Variants in HUNK observed in about 807,000 individuals in gnomAD.
The protein encoded by HUNK is hormonally up-regulated neu tumor-associated kinase.
A neutral mutation model predicts 61.0 loss-of-function variants in HUNK; 21 were observed. The ratio of observed to expected loss-of-function variants is 0.34; its 90% CI spans 0.24 to 0.50. The LOEUF (loss-of-function observed/expected upper bound fraction) is 0.50, where lower values mean the gene tolerates loss of function less well. Ranked by LOEUF, HUNK falls within the 20% of genes least tolerant of loss-of-function variation. The pLI is 0.98. For missense variants in HUNK, 772 were observed against 945.7 expected, an observed-to-expected ratio of 0.82 and a Z score of 2.41; for synonymous variants, 371 against 386.1, an observed-to-expected ratio of 0.96 and a Z score of 0.46.
chr21:31,961,231 G>T (rs1568935376), intron 5 of HUNK, among the ~76,000 whole-genome samples: 3 of 148,952 alleles, frequency 2.0e-5, no homozygotes, highest in South Asian at 2.1e-4. Context: ...AATCTGAGCT[G>T]TTTTTTTTTT....
At chr21:31,922,161 C>T (rs1230555527) in intron 1 of HUNK, among the ~76,000 whole-genome samples, 12 of 151,628 alleles carry the variant, frequency 7.9e-5, no homozygotes, top group Non-Finnish European at 1.3e-4. Flanking sequence ...GGATTCCAGG[C>T]GTCCACCACC....
chr21:31,889,423 T>C (rs1005707484), intron 1 of HUNK, among the ~76,000 whole-genome samples: 2 of 152,254 alleles, frequency 1.3e-5, no homozygotes, highest in South Asian at 2.1e-4. Flanking sequence ...TTATCACTTA[T>C]ATAATCTGGT....
intron 1 of HUNK, among the ~76,000 whole-genome samples, chr21:31,892,162 A>AT (rs1555875740): frequency 0.017 from 1,953 of 113,732 alleles, 33 homozygotes; most frequent in South Asian, 0.054. Context: ...AAAAAAAAAA[A>AT]ATATATATAT....
At chr21:31,874,962 C>T (rs1394654757) in intron 1 of HUNK, among the ~76,000 whole-genome samples, 3 of 152,128 alleles carry the variant, frequency 2.0e-5, no homozygotes, top group Non-Finnish European at 2.9e-5. Context: ...CTGGAGCTGC[C>T]CGAGCTCAGA....
intron 2 of HUNK, among the ~76,000 whole-genome samples, chr21:31,933,523 GC>G (rs1205740306): frequency 6.6e-6 from 1 of 151,984 alleles, no homozygotes; most frequent in African/African-American, 2.4e-5. Flanking sequence ...AGTGGCTCAC[GC>G]CTGTAATCCT....
chr21:31,960,675 A>G lies in HUNK; in HGVS notation c.874+1705A>G, dbSNP rs565500597. ...TGGTGGCAGGGAAGAGCGCTTGTGCAGGGGAAATCCTATTTATAAAACCAT... is the reference window on the plus strand; with the variant it reads ...TGGTGGCAGGGAAGAGCGCTTGTGCGGGGGAAATCCTATTTATAAAACCAT... On this transcript the variant is annotated intron_variant, in intron 5 of 10. Coordinates refer to ENST00000270112, the MANE Select transcript of HUNK (RefSeq NM_014586.2). 4.4e-3 allele frequency among the ~76,000 whole-genome samples: 667 copies of G among 152,288 alleles called. 4 individuals carry two copies. The highest frequency in any genetic ancestry group is 6.6e-3 in the Non-Finnish European group (449 of 68,014).
At chr21:31,886,100 C>T (rs1296273305) in intron 1 of HUNK, among the ~76,000 whole-genome samples, 2 of 152,110 alleles carry the variant, frequency 1.3e-5, no homozygotes, top group African/African-American at 4.8e-5. Flanking sequence ...AATGACCTCA[C>T]TTTAACTTGA....
At chr21:31,889,917 T>G (rs1473331465) in intron 1 of HUNK, among the ~76,000 whole-genome samples, 4 of 152,192 alleles carry the variant, frequency 2.6e-5, no homozygotes, top group Non-Finnish European at 5.9e-5. Flanking sequence ...GACATATTAC[T>G]CAACAGTGCA....
chr21:31,939,408 T>G (rs2052753789), intron 2 of HUNK, among the ~76,000 whole-genome samples: 1 of 139,262 alleles, frequency 7.2e-6, no homozygotes, highest in African/African-American at 2.7e-5. Context: ...TGTTTTTTTT[T>G]TTTTTTTTTT....
At chr21:31,939,397 G>GTTT (rs1233632579) in intron 2 of HUNK, among the ~76,000 whole-genome samples, 1 of 104,232 alleles carries the variant, frequency 9.6e-6, no homozygotes. Context: ...TGGCTTTCAT[G>GTTT]TGTTTTTTTT....
At position 31,958,857 on chromosome 21, in the gene HUNK, A is replaced by T; in HGVS notation, c.761A>T (p.Tyr254Phe). The change falls in exon 5 of 11, where the codon TAT (tyrosine) becomes TTT (phenylalanine). Residue 254 changes from tyrosine to phenylalanine, a missense_variant. Around this residue, in one of 2 missense-constraint regions of HUNK, gnomAD observed 359 missense variants for 501.3 expected, o/e 0.72. Coordinates refer to ENST00000270112, the MANE Select transcript of HUNK (RefSeq NM_014586.2). ...TCTCTTTTCAGAGGTGTGAACATGT[A>T]TGCCATGTTGACCGGGACGCTGCCT... Reference protein sequence around the residue: ...IDVWSIGVNMYAMLTGTLPFT... With the variant: ...IDVWSIGVNMFAMLTGTLPFT... 6.2e-7 allele frequency: 1 copy of T among 1,604,864 alleles called. No individual in the cohort carries two copies. The highest frequency in any genetic ancestry group is 8.5e-7 in the Non-Finnish European group (1 of 1,175,922).
At chr21:31,941,816 A>G (rs1168901467) in intron 3 of HUNK, among the ~76,000 whole-genome samples, 1 of 152,172 alleles carries the variant, frequency 6.6e-6, no homozygotes, top group Admixed American at 6.5e-5. Flanking sequence ...GGTTCCCTGT[A>G]ACTGTTCTTT....
intron 2 of HUNK, among the ~76,000 whole-genome samples, chr21:31,933,334 C>T (rs2052711205): frequency 6.6e-6 from 1 of 152,132 alleles, no homozygotes; most frequent in Admixed American, 6.5e-5. Context: ...TTCTCTTCTC[C>T]TTCACATTTG....
At chr21:31,927,145 A>C (rs2052666577) in intron 2 of HUNK, among the ~76,000 whole-genome samples, 2 of 151,894 alleles carry the variant, frequency 1.3e-5, no homozygotes, top group South Asian at 4.2e-4. Flanking sequence ...GGTTCAAGAG[A>C]TTCTACTGCC....
At chr21:31,929,013 G>A (rs2052679565) in intron 2 of HUNK, among the ~76,000 whole-genome samples, 1 of 152,026 alleles carries the variant, frequency 6.6e-6, no homozygotes, top group African/African-American at 2.4e-5. Context: ...GGCTATATGT[G>A]TACAGTGATT....
intron 5 of HUNK, among the ~76,000 whole-genome samples, chr21:31,959,341 G>A (rs1395379513): frequency 6.6e-6 from 1 of 152,132 alleles, no homozygotes; most frequent in Non-Finnish European, 1.5e-5. Flanking sequence ...GTTTATGGTC[G>A]CATTTCCAAT....
intron 1 of HUNK, among the ~76,000 whole-genome samples, chr21:31,883,181 G>A (rs2052321346): frequency 6.6e-6 from 1 of 152,008 alleles, no homozygotes. Flanking sequence ...CAAATTGCCT[G>A]CCATAGAGGT....
intron 7 of HUNK, among the ~76,000 whole-genome samples, chr21:31,976,328 TGAG>T (rs1036575826): frequency 1.8e-4 from 28 of 152,108 alleles, no homozygotes; most frequent in African/African-American, 6.8e-4. Context: ...TATTATATGA[TGAG>T]GAGAGATTCA....
chr21:31,943,917 T>C (rs2052785179), intron 3 of HUNK, among the ~76,000 whole-genome samples: 1 of 152,254 alleles, frequency 6.6e-6, no homozygotes, highest in African/African-American at 2.4e-5. Flanking sequence ...TCTGATGAAA[T>C]TGGGCCTCCC....
Sources: allele counts gnomAD v4.1 joint callset (sites outside exome capture counted in the v4.1 genomes callset), GRCh38; gene constraint gnomAD v4.1.1; regional missense constraint gnomAD v4.1.1; transcripts MANE v1.5; gene names NCBI Gene and HGNC (gene_info 2026-07-23, HGNC 2026-07-21).